KLF5: variants seen among roughly 807,000 people sequenced by gnomAD.
KLF5 encodes the protein Krueppel-like factor 5.
Under a neutral mutation model 36.9 loss-of-function variants are expected in KLF5, and 9 were observed. That is an observed-to-expected ratio of 0.24 (90% CI 0.15 to 0.43). The LOEUF (loss-of-function observed/expected upper bound fraction) is 0.43, where lower values mean the gene tolerates loss of function less well. Ranked by LOEUF, KLF5 falls within the 20% of genes least tolerant of loss-of-function variation. The probability of loss-of-function intolerance (pLI) is 1.00; values close to 1 mark genes in which losing one functional copy is unlikely to be tolerated. For synonymous variants in KLF5, 246 were observed against 241.7 expected (o/e 1.02, Z -0.17); for missense variants, 524 against 599.5 (o/e 0.87, Z 1.31).
chr13:73,072,267 T>C (rs146604671), intron 3 of KLF5, among the ~76,000 whole-genome samples: 74 of 152,306 alleles, frequency 4.9e-4, no homozygotes, highest in Admixed American at 1.3e-3. Context: ...CTGAGGATTT[T>C]TAAAATGGCT....
chr13:73,074,151 C>T (rs1366723092), intron 3 of KLF5, among the ~76,000 whole-genome samples: 6 of 152,320 alleles, frequency 3.9e-5, no homozygotes, highest in African/African-American at 1.2e-4. Flanking sequence ...TGTTTTGGCA[C>T]TTTCTTCTTT....
At chr13:73,062,791 C>T (rs200816438) in intron 2 of KLF5, 57 bp downstream of exon 2, 16 of 868,544 alleles carry the variant, frequency 1.8e-5, no homozygotes, top group Admixed American at 1.4e-4. Flanking sequence ...GTGTGTGTGT[C>T]TGTGTGCGCG....
chr13:73,074,137 C>T (rs570250344), intron 3 of KLF5, among the ~76,000 whole-genome samples: 2 of 152,266 alleles, frequency 1.3e-5, no homozygotes, highest in Admixed American at 6.5e-5. Flanking sequence ...ACTTTCATGT[C>T]GTCTGTTTTG....
At chr13:73,073,473 A>G (rs972725859) in intron 3 of KLF5, among the ~76,000 whole-genome samples, 6 of 152,238 alleles carry the variant, frequency 3.9e-5, no homozygotes, top group Non-Finnish European at 7.3e-5. Flanking sequence ...ACTTTAAAAA[A>G]TACTGGTGCA....
In KLF5 at chr13:73,059,461, T is replaced by C; in HGVS notation, c.134T>C (p.Leu45Pro). The change falls in exon 1 of 4, where the codon CTC becomes CCC. Residue 45 changes from leucine to proline, a missense_variant. Physicochemically the swap from Leu to Pro is moderately conservative, Grantham distance 98. This residue lies in a region of KLF5 where 454 missense variants were observed against 458.1 expected (regional missense o/e 0.99). Transcript: ENST00000377687. The stretch of plus-strand genomic sequence containing the variant: ...GCGAATCCGGCCCGCGACGCGGCGC[T>C]CTTCCCCGGCGAGGAGCTGAAGCAC... The part of the protein sequence containing the change: ...GAANPARDAA[L>P]FPGEELKHAH... 1 of 1,277,386 alleles carries C rather than the reference T, an allele frequency of 7.8e-7. No individual in the cohort carries two copies. The highest frequency in any genetic ancestry group is 2.5e-5 in the South Asian group (1 of 39,882). 79.1% of individuals were successfully genotyped at this position (1,277,386 alleles called of 1,614,324 possible). A position where few individuals can be genotyped will look rare whatever the true frequency, so the allele number is the denominator to read the frequency against.
chr13:73,065,446 A>G (rs918922001), intron 3 of KLF5, among the ~76,000 whole-genome samples: 1 of 152,226 alleles, frequency 6.6e-6, no homozygotes, highest in African/African-American at 2.4e-5. Context: ...AGGAGAAGGC[A>G]TCTTATGTAT....
In KLF5 at chr13:73,075,745, C is replaced by CT; in HGVS notation, c.1234dup (p.Trp412LeufsTer8). 1 of 1,611,308 alleles carries CT rather than the reference C, an allele frequency of 6.2e-7. No homozygotes were observed. The highest frequency in any genetic ancestry group is 8.5e-7 in the Non-Finnish European group (1 of 1,178,002). ...ACAAGTGTACCTGGGAAGGCTGCGA[C>CT]TGGAGGTTCGCGCGATCGGATGAGC... is the stretch of plus-strand genomic sequence containing the variant. On this transcript the variant is annotated frameshift_variant, in exon 4 of 4. Coordinates refer to ENST00000377687, the MANE Select transcript of KLF5 (RefSeq NM_001730.5). LOFTEE classifies it high-confidence loss of function.
chr13:73,070,236 G>A (rs1433164904), intron 3 of KLF5, among the ~76,000 whole-genome samples: 2 of 152,092 alleles, frequency 1.3e-5, no homozygotes, highest in South Asian at 2.1e-4. Context: ...AAACCTTTAC[G>A]AGTTGGGAGG....
chr13:73,070,875 C>T (rs555440984), intron 3 of KLF5, among the ~76,000 whole-genome samples: 1 of 152,336 alleles, frequency 6.6e-6, no homozygotes, highest in African/African-American at 2.4e-5. Context: ...CCAGATTACT[C>T]TCAGTGGTCC....
Position 73,062,741 on chromosome 13 carries a change from G to C in KLF5, c.1135+7G>C. ...CACTACTGCGATTACCCTGGTATGT[G>C]CTCTTACCTGGTTGAAGCATCAATA... On this transcript the variant is annotated splice_region_variant and intron_variant, in intron 2 of 3. Transcript: ENST00000377687. 6.2e-7 allele frequency: 1 copy of C among 1,610,098 alleles called. No individual in the cohort carries two copies. Among genetic ancestry groups the C allele is most frequent in the Non-Finnish European group, 8.5e-7 (1 of 1,177,604 alleles).
At chr13:73,058,182 T>C (rs754093430), upstream of KLF5, among the ~76,000 whole-genome samples, 2 of 152,224 alleles carry the variant, frequency 1.3e-5, no homozygotes, top group Non-Finnish European at 2.9e-5. Flanking sequence ...GTGCTTAAAT[T>C]AGATTCCATG....
chr13:73,063,426 A>C (rs1004945103), intron 2 of KLF5, among the ~76,000 whole-genome samples: 3 of 152,226 alleles, frequency 2.0e-5, no homozygotes, highest in African/African-American at 7.2e-5. Flanking sequence ...GTGCTAAATG[A>C]AAAAAGAAGA....
chr13:73,063,967 T>A (rs1395025243), intron 3 of KLF5, 84 bp downstream of exon 3: 1 of 753,602 alleles, frequency 1.3e-6, no homozygotes, highest in Non-Finnish European at 2.2e-6. Flanking sequence ...ACGTGTTTGA[T>A]CTCTTCTCCT....
upstream of KLF5, among the ~76,000 whole-genome samples, chr13:73,056,842 A>G (rs756300442): frequency 2.0e-5 from 3 of 152,238 alleles, no homozygotes; most frequent in Non-Finnish European, 2.9e-5. Flanking sequence ...CAGTTACTAT[A>G]AGAACCCCAA....
upstream of KLF5, among the ~76,000 whole-genome samples, chr13:73,055,314 C>A (rs2044576982): frequency 6.6e-6 from 1 of 152,030 alleles, no homozygotes; most frequent in Non-Finnish European, 1.5e-5. Flanking sequence ...AATGTAATTT[C>A]TTAAGAACTG....
chr13:73,059,224 C>T lies in KLF5; in HGVS notation c.-104C>T. 6 of 1,140,944 alleles carry T rather than the reference C, an allele frequency of 5.3e-6. No individual in the cohort carries two copies. The highest frequency in any genetic ancestry group is 6.7e-6 in the Non-Finnish European group (6 of 896,086). The allele number at this position is 1,140,944 out of a possible 1,614,324, so 70.7% of individuals were successfully genotyped here. On this transcript the variant is annotated 5_prime_UTR_variant, in exon 1 of 4. Transcript: ENST00000377687. ...TCTGAGGAGTCCACCCGAAACCTCCCCTCCTCCGCCGGCAGCCCCGCGCTG... is the reference window on the plus strand; with the variant it reads ...TCTGAGGAGTCCACCCGAAACCTCCTCTCCTCCGCCGGCAGCCCCGCGCTG...
intron 3 of KLF5, among the ~76,000 whole-genome samples, chr13:73,065,914 A>G (rs1224074834): frequency 6.6e-6 from 1 of 152,212 alleles, no homozygotes; most frequent in African/African-American, 2.4e-5. Context: ...CCTGCGATTC[A>G]GGAACTTGAC....
chr13:73,072,786 G>A (rs571320990), intron 3 of KLF5, among the ~76,000 whole-genome samples: 6 of 152,166 alleles, frequency 3.9e-5, no homozygotes, highest in Non-Finnish European at 8.8e-5. Context: ...TTTTTGTAAA[G>A]TATGTTAATG....
intron 2 of KLF5, among the ~76,000 whole-genome samples, chr13:73,063,294 T>C (rs2044653879): frequency 6.6e-6 from 1 of 152,216 alleles, no homozygotes; most frequent in African/African-American, 2.4e-5. Context: ...TTGAATGACA[T>C]ACATGGCCCA....
Sources: allele counts gnomAD v4.1 joint callset (sites outside exome capture counted in the v4.1 genomes callset), GRCh38; gene constraint gnomAD v4.1.1; regional missense constraint gnomAD v4.1.1; transcripts MANE v1.5; gene names NCBI Gene and HGNC (gene_info 2026-07-23, HGNC 2026-07-21).